Variants in CCDC73 observed in about 807,000 individuals in gnomAD.
CCDC73 encodes the protein coiled-coil domain-containing protein 73.
Under a neutral mutation model 116.5 loss-of-function variants are expected in CCDC73, and 95 were observed. The observed-to-expected ratio is 0.82, with a 90% CI of 0.69 to 0.97. The LOEUF is 0.97. Among genes scored for constraint, CCDC73 ranks in the 50% least tolerant of loss-of-function variants. CCDC73 has a pLI of 0.00. For missense variants in CCDC73, 1,066 were observed against 1,206.8 expected (o/e 0.88, Z 1.73); for synonymous variants, 398 against 401.3 (o/e 0.99, Z 0.10).
At chr11:32,817,394 T>C in the CCDC73 span, among the ~76,000 whole-genome samples, 1 of 152,212 alleles carries the variant, frequency 6.6e-6, no homozygotes, top group Non-Finnish European at 1.5e-5. Context: ...TCCAGAAAAG[T>C]TAAACCAATG....
chr11:32,719,546 T>C (rs1223169076), intron 2 of CCDC73, among the ~76,000 whole-genome samples: 2 of 152,144 alleles, frequency 1.3e-5, no homozygotes. Flanking sequence ...AGCTGCCATA[T>C]ATCCAAAATG....
chr11:32,823,169 T>C, the CCDC73 span, among the ~76,000 whole-genome samples: 3 of 152,152 alleles, frequency 2.0e-5, no homozygotes, highest in African/African-American at 7.2e-5. Flanking sequence ...TTTAAAATTC[T>C]AAATCTTAAA....
intron 2 of CCDC73, among the ~76,000 whole-genome samples, chr11:32,736,883 C>A (rs1850135029): frequency 6.6e-6 from 1 of 151,358 alleles, no homozygotes; most frequent in Non-Finnish European, 1.5e-5. Context: ...AAGCTGGAAA[C>A]CATCATTCTC....
intron 6 of CCDC73, among the ~76,000 whole-genome samples, chr11:32,695,419 T>C (rs1262773179): frequency 1.3e-5 from 2 of 151,890 alleles, no homozygotes; most frequent in African/African-American, 4.8e-5. Flanking sequence ...ACCTGAACTG[T>C]TGTGCTTGGC....
At chr11:32,815,095 C>T in the CCDC73 span, among the ~76,000 whole-genome samples, 25 of 151,932 alleles carry the variant, frequency 1.6e-4, no homozygotes, top group Non-Finnish European at 2.5e-4. Context: ...AAAAATGTTC[C>T]GGAATGACAC....
the CCDC73 span, among the ~76,000 whole-genome samples, chr11:32,806,639 A>T: frequency 9.2e-5 from 14 of 151,570 alleles, no homozygotes; most frequent in African/African-American, 3.4e-4. Flanking sequence ...TCAAAAAAAA[A>T]AAAAAAGAAA....
chr11:32,795,206 T>C (rs567349432), upstream of CCDC73, among the ~76,000 whole-genome samples: 17 of 152,178 alleles, frequency 1.1e-4, no homozygotes, highest in Non-Finnish European at 2.2e-4. Context: ...CACTGGCTCA[T>C]GCCTGTAACC....
At chr11:32,636,863 C>G (rs1855683897) in intron 13 of CCDC73, among the ~76,000 whole-genome samples, 1 of 151,882 alleles carries the variant, frequency 6.6e-6, no homozygotes, top group Non-Finnish European at 1.5e-5. Context: ...CTTCCTAAGT[C>G]CTAATTCTAG....
At chr11:32,749,172 A>G (rs1197912392) in intron 2 of CCDC73, among the ~76,000 whole-genome samples, 1 of 151,882 alleles carries the variant, frequency 6.6e-6, no homozygotes, top group East Asian at 1.9e-4. Flanking sequence ...GGCCAAAAAC[A>G]CTTAGATTTG....
intron 1 of CCDC73, among the ~76,000 whole-genome samples, chr11:32,782,350 G>A (rs752651670): frequency 2.7e-5 from 4 of 150,242 alleles, no homozygotes; most frequent in African/African-American, 4.8e-5. Context: ...CCAGTCCCTG[G>A]TGCCAAAAAG....
chr11:32,738,487 C>A (rs567192448), intron 2 of CCDC73, among the ~76,000 whole-genome samples: 4 of 152,170 alleles, frequency 2.6e-5, no homozygotes, highest in East Asian at 1.9e-4. Flanking sequence ...TACCTGTGTG[C>A]GATTTGTATG....
intron 1 of CCDC73, among the ~76,000 whole-genome samples, chr11:32,762,414 T>C (rs947197587): frequency 6.6e-6 from 1 of 152,166 alleles, no homozygotes; most frequent in African/African-American, 2.4e-5. Flanking sequence ...AATTAAACTA[T>C]AGCTCTTATG....
At chr11:32,685,454 TG>T (rs1418712104) in intron 6 of CCDC73, among the ~76,000 whole-genome samples, 1 of 152,008 alleles carries the variant, frequency 6.6e-6, no homozygotes, top group Non-Finnish European at 1.5e-5. Context: ...AGTAAAGACC[TG>T]GATAGAAGTA....
At chr11:32,638,086 T>C (rs1417943245) in intron 13 of CCDC73, among the ~76,000 whole-genome samples, 1 of 152,186 alleles carries the variant, frequency 6.6e-6, no homozygotes. Flanking sequence ...CCATTATATA[T>C]AAAATGTCAC....
At chr11:32,774,845 T>C (rs1421533856) in intron 1 of CCDC73, among the ~76,000 whole-genome samples, 1 of 152,140 alleles carries the variant, frequency 6.6e-6, no homozygotes, top group Admixed American at 6.5e-5. Context: ...CACAATCTGG[T>C]TGGAGAGACA....
chr11:32,690,264 T>C (rs1856243051), intron 6 of CCDC73, among the ~76,000 whole-genome samples: 1 of 152,196 alleles, frequency 6.6e-6, no homozygotes, highest in African/African-American at 2.4e-5. Flanking sequence ...ATAAAAATTA[T>C]TGTAATTCAA....
At chr11:32,821,640 A>C in the CCDC73 span, among the ~76,000 whole-genome samples, 1 of 152,180 alleles carries the variant, frequency 6.6e-6, no homozygotes, top group African/African-American at 2.4e-5. Flanking sequence ...TCATGACTGA[A>C]AGAGAACAAA....
chr11:32,702,386 C>T (rs893008109), intron 4 of CCDC73, among the ~76,000 whole-genome samples: 1 of 152,072 alleles, frequency 6.6e-6, no homozygotes, highest in African/African-American at 2.4e-5. Context: ...TTTTGTACTA[C>T]TATTTCTTAG....
At chr11:32,681,856 G>T (rs1297881032) in intron 7 of CCDC73, 1 of 151,622 alleles carries the variant, frequency 6.6e-6, no homozygotes, top group Non-Finnish European at 1.5e-5. Context: ...ATATAAGTAA[G>T]AATGCTTAGA....
Sources: allele counts gnomAD v4.1 joint callset (sites outside exome capture counted in the v4.1 genomes callset), GRCh38; gene constraint gnomAD v4.1.1; transcripts MANE v1.5; gene names NCBI Gene and HGNC (gene_info 2026-07-23, HGNC 2026-07-21).